The following ZFHX3 variants were observed in gnomAD, a reference collection of about 807,000 sequenced individuals.
ZFHX3 encodes zinc finger homeobox protein 3.
Under a neutral mutation model 279.1 loss-of-function variants are expected in ZFHX3, and 42 were observed. The observed-to-expected ratio is 0.15, with a 90% CI of 0.12 to 0.19. ZFHX3 has a LOEUF of 0.19. Among genes scored for constraint, ZFHX3 ranks in the 10% least tolerant of loss-of-function variants. The pLI, the probability that ZFHX3 is intolerant of heterozygous loss-of-function variation, is 1.00. For missense variants in ZFHX3, 4,981 were observed against 4,754.0 expected (o/e 1.05, Z -1.40); for synonymous variants, 2,293 against 1,957.8 (o/e 1.17, Z -4.52).
intron 3 of ZFHX3, among the ~76,000 whole-genome samples, chr16:73,410,729 G>C (rs1227799558): frequency 6.6e-6 from 1 of 152,194 alleles, no homozygotes; most frequent in Non-Finnish European, 1.5e-5. Context: ...CAACAAGAGA[G>C]GCTGCATCCT....
intron 3 of ZFHX3, among the ~76,000 whole-genome samples, chr16:72,941,890 C>T (rs78301477): frequency 0.14 from 21,575 of 152,078 alleles, 2,333 homozygotes; most frequent in African/African-American, 0.29. Context: ...AAATCAATTT[C>T]TGTTAAGTAT....
intron 1 of ZFHX3, among the ~76,000 whole-genome samples, chr16:73,810,898 C>A (rs1567418012): frequency 6.6e-6 from 1 of 151,912 alleles, no homozygotes; most frequent in African/African-American, 2.4e-5. Flanking sequence ...TTATAATATA[C>A]CTATAATAAA....
At chr16:73,558,159 T>TA (rs2020315299) in intron 2 of ZFHX3, 1 of 152,208 alleles carries the variant, frequency 6.6e-6, no homozygotes, top group African/African-American at 2.4e-5. Context: ...AGTGAAATAA[T>TA]AGAGTGCAAA....
intron 4 of ZFHX3, among the ~76,000 whole-genome samples, chr16:72,870,717 CAAAAAAAAAA>C (rs71156125): frequency 9.8e-6 from 1 of 101,562 alleles, no homozygotes; most frequent in Admixed American, 1.2e-4. Flanking sequence ...GACTCTGTCT[CAAAAAAAAAA>C]AAAAAAAAAG....
intron 3 of ZFHX3, among the ~76,000 whole-genome samples, chr16:73,330,235 C>G (rs2015774515): frequency 6.6e-6 from 1 of 152,038 alleles, no homozygotes; most frequent in South Asian, 2.1e-4. Context: ...CAGGTAGTAG[C>G]TAATGACCAG....
At chr16:73,477,119 T>C (rs1049304385) in intron 2 of ZFHX3, among the ~76,000 whole-genome samples, 4 of 152,176 alleles carry the variant, frequency 2.6e-5, no homozygotes, top group Non-Finnish European at 5.9e-5. Context: ...CAATGAAAAA[T>C]CATGCTTTGT....
intron 3 of ZFHX3, among the ~76,000 whole-genome samples, chr16:73,368,192 C>T (rs1366208333): frequency 6.6e-6 from 1 of 152,224 alleles, no homozygotes; most frequent in Non-Finnish European, 1.5e-5. Flanking sequence ...CGTAACACTA[C>T]ATCCCCTTTT....
At chr16:73,255,230 T>C (rs1390932295) in intron 5 of ZFHX3, among the ~76,000 whole-genome samples, 2 of 152,210 alleles carry the variant, frequency 1.3e-5, no homozygotes, top group Non-Finnish European at 1.5e-5. Flanking sequence ...CGTTGACATA[T>C]ACTTCATAAA....
intron 5 of ZFHX3, among the ~76,000 whole-genome samples, chr16:73,154,916 G>T (rs1382063229): frequency 6.6e-6 from 1 of 152,132 alleles, no homozygotes; most frequent in South Asian, 2.1e-4. Flanking sequence ...GCTCACGTCT[G>T]TAATCCTAGC....
At chr16:73,801,837 C>T (rs775765792) in intron 1 of ZFHX3, among the ~76,000 whole-genome samples, 1 of 152,220 alleles carries the variant, frequency 6.6e-6, no homozygotes, top group Non-Finnish European at 1.5e-5. Context: ...ACAACATGCT[C>T]TGCAACTTGG....
intron 3 of ZFHX3, among the ~76,000 whole-genome samples, chr16:72,940,308 C>T (rs1456458898): frequency 2.0e-5 from 3 of 152,134 alleles, no homozygotes; most frequent in Admixed American, 6.5e-5. Context: ...ATGTTGTTGA[C>T]CCAGGGAACG....
intron 3 of ZFHX3, among the ~76,000 whole-genome samples, chr16:73,433,144 G>C (rs951003489): frequency 6.6e-6 from 1 of 152,196 alleles, no homozygotes; most frequent in African/African-American, 2.4e-5. Context: ...CCGTGGAGTA[G>C]AGCATCTAGG....
intron 3 of ZFHX3, among the ~76,000 whole-genome samples, chr16:73,390,871 C>G (rs563367912): frequency 6.6e-6 from 1 of 152,268 alleles, no homozygotes; most frequent in South Asian, 2.1e-4. Flanking sequence ...AACAACCCCC[C>G]CAAAAGAGGG....
chr16:72,793,234 A>G lies in ZFHX3; in HGVS notation c.9427+21T>C, dbSNP rs2240388. The G allele has an allele frequency of 8.8e-6, 14 of 1,582,508 alleles. No homozygotes were observed. The highest frequency in any genetic ancestry group is 1.7e-4 in the Middle Eastern group (1 of 5,880). ...TGGGCAGCTATTTAGCCCTGAAACA[A>G]TCGCCTAGAGCAGAACCCACCTGTG... is the stretch of plus-strand genomic sequence containing the variant. On this transcript the variant is annotated intron_variant, in intron 9 of 9. Transcript: ENST00000268489. This position sits in a 1 kb window ranked among gnomAD's most constrained non-coding sequence, Gnocchi z 4.3.
intron 5 of ZFHX3, among the ~76,000 whole-genome samples, chr16:73,252,742 A>G (rs999557596): frequency 2.0e-5 from 3 of 152,188 alleles, no homozygotes; most frequent in Non-Finnish European, 4.4e-5. Flanking sequence ...ACGTCAGGAC[A>G]GGTTAAAGGG....
At chr16:73,515,399 G>C (rs2143696223) in intron 2 of ZFHX3, among the ~76,000 whole-genome samples, 1 of 152,058 alleles carries the variant, frequency 6.6e-6, no homozygotes, top group South Asian at 2.1e-4. Flanking sequence ...GCTTAAACTA[G>C]GATGGAGAAG....
chr16:73,799,783 T>C (rs1442957607), intron 1 of ZFHX3, among the ~76,000 whole-genome samples: 1 of 152,178 alleles, frequency 6.6e-6, no homozygotes, highest in Non-Finnish European at 1.5e-5. Flanking sequence ...GTGAAGAATG[T>C]GGGAGACAAA....
intron 7 of ZFHX3, chr16:72,807,303 G>A (rs562376917): frequency 2.0e-5 from 3 of 152,308 alleles, no homozygotes; most frequent in East Asian, 3.9e-4. Flanking sequence ...TTGATATGAC[G>A]TGTGCAGAGG....
At chr16:72,900,261 G>T (rs1788795449) in intron 3 of ZFHX3, among the ~76,000 whole-genome samples, 1 of 152,174 alleles carries the variant, frequency 6.6e-6, no homozygotes, top group African/African-American at 2.4e-5. Flanking sequence ...GAGGAGCAGG[G>T]AAGGGAGGAG....
Sources: allele counts gnomAD v4.1 joint callset (sites outside exome capture counted in the v4.1 genomes callset), GRCh38; gene constraint gnomAD v4.1.1; non-coding constraint Gnocchi (gnomAD v3.1); transcripts MANE v1.5; gene names NCBI Gene and HGNC (gene_info 2026-07-23, HGNC 2026-07-21).